The following AK8 variants were observed in gnomAD, a reference collection of about 807,000 sequenced individuals.
The protein encoded by AK8 is ATP-AMP transphosphorylase 8.
Under a neutral mutation model 54.6 loss-of-function variants are expected in AK8, and 44 were observed. That is an observed-to-expected ratio of 0.81 (90% confidence interval 0.63 to 1.04). The LOEUF (loss-of-function observed/expected upper bound fraction) is 1.04, where lower values mean the gene tolerates loss of function less well. Among genes scored for constraint, AK8 ranks in the 50% least tolerant of loss-of-function variants. AK8 has a pLI of 0.00. For synonymous variants in AK8, 239 were observed against 245.6 expected, an observed-to-expected ratio of 0.97 and a Z score of 0.25; for missense variants, 555 against 613.6, an observed-to-expected ratio of 0.90 and a Z score of 1.01.
intron 10 of AK8, among the ~76,000 whole-genome samples, chr9:132,808,899 G>A (rs533102264): frequency 6.6e-6 from 1 of 152,286 alleles, no homozygotes; most frequent in South Asian, 2.1e-4. Context: ...GGCAATGAGG[G>A]GGTACCCAGG....
intron 10 of AK8, among the ~76,000 whole-genome samples, chr9:132,801,505 T>A (rs1840456125): frequency 6.6e-6 from 1 of 152,212 alleles, no homozygotes; most frequent in South Asian, 2.1e-4. Flanking sequence ...ATTCACTAAG[T>A]GTACACTGCA....
intron 11 of AK8, among the ~76,000 whole-genome samples, chr9:132,752,602 G>C (rs1462692226): frequency 1.3e-5 from 2 of 151,990 alleles, no homozygotes; most frequent in Non-Finnish European, 2.9e-5. Context: ...TCAAATGTTT[G>C]AAATAACCAC....
chr9:132,733,542 G>C (rs1359273566), intron 11 of AK8, among the ~76,000 whole-genome samples: 2 of 152,272 alleles, frequency 1.3e-5, no homozygotes, highest in Non-Finnish European at 2.9e-5. Flanking sequence ...CTGGCAAGAT[G>C]TGACGCACAA....
At position 132,866,241 on chromosome 9, in the gene AK8, G is replaced by A. The variant is rs141121636; in HGVS notation, c.219+663C>T. Among the ~76,000 whole-genome samples, 275 of 152,260 alleles carry A rather than the reference G, an allele frequency of 1.8e-3. 2 individuals are homozygous for A. The highest frequency in any genetic ancestry group is 6.0e-3 in the African/African-American group (250 of 41,570). ...TTAAAGATCGAAGCCACAGATAAAT[G>A]AAGCACACACCACCAGTTTCTGGAC... On this transcript the variant is annotated intron_variant, in intron 3 of 12. Transcript: ENST00000298545.
intron 11 of AK8, among the ~76,000 whole-genome samples, chr9:132,730,103 G>T (rs693692): frequency 0.83 from 126,367 of 152,134 alleles, 52,666 homozygotes; most frequent in Admixed American, 0.88. Flanking sequence ...TTTCAGGAGG[G>T]GCCTATGGGT....
chr9:132,743,187 AAC>A (rs1473305841), intron 11 of AK8, among the ~76,000 whole-genome samples: 1 of 152,240 alleles, frequency 6.6e-6, no homozygotes, highest in East Asian at 1.9e-4. Flanking sequence ...CGAGGCAGGA[AAC>A]ACAGCAGATG....
chr9:132,816,296 G>A (rs1841325681), intron 9 of AK8, among the ~76,000 whole-genome samples: 1 of 151,594 alleles, frequency 6.6e-6, no homozygotes, highest in Non-Finnish European at 1.5e-5. Flanking sequence ...GGAGGTTGTA[G>A]TGAGCAGAGA....
intron 4 of AK8, among the ~76,000 whole-genome samples, chr9:132,861,132 C>T (rs1356000586): frequency 1.3e-5 from 2 of 152,220 alleles, no homozygotes; most frequent in African/African-American, 4.8e-5. Flanking sequence ...ACAAAAATCC[C>T]TGGCCACTGT....
chr9:132,822,521 T>C (rs936368006), intron 9 of AK8, among the ~76,000 whole-genome samples: 5 of 151,900 alleles, frequency 3.3e-5, no homozygotes, highest in African/African-American at 1.2e-4. Flanking sequence ...CTACTTAGGT[T>C]TGTGGAGCAT....
intron 8 of AK8, 151 bp from the exon 9 acceptor site, chr9:132,823,487 AG>A (rs1841742115): frequency 8.4e-7 from 1 of 1,184,610 alleles, no homozygotes; most frequent in African/African-American, 1.5e-5. Context: ...GCGAAGAGGC[AG>A]GGAAAAGAAT....
chr9:132,788,872 G>A (rs1161811508), intron 11 of AK8, among the ~76,000 whole-genome samples: 1 of 152,182 alleles, frequency 6.6e-6, no homozygotes, highest in African/African-American at 2.4e-5. Context: ...GCACAAGAAT[G>A]TGGAAAAATT....
At chr9:132,776,998 A>T (rs1468560396) in intron 11 of AK8, among the ~76,000 whole-genome samples, 2 of 152,104 alleles carry the variant, frequency 1.3e-5, no homozygotes, top group Non-Finnish European at 2.9e-5. Flanking sequence ...GGGGTCTCAG[A>T]TATGAGTCTG....
intron 1 of AK8, among the ~76,000 whole-genome samples, chr9:132,875,709 C>T (rs1249764717): frequency 2.0e-5 from 3 of 152,228 alleles, no homozygotes; most frequent in Non-Finnish European, 4.4e-5. Context: ...CTGTTCCACG[C>T]CTCACCCTGT....
chr9:132,732,401 G>A (rs908598734), intron 11 of AK8, among the ~76,000 whole-genome samples: 2 of 152,064 alleles, frequency 1.3e-5, no homozygotes, highest in Admixed American at 6.6e-5. Context: ...TGGCATTCAG[G>A]ATTATATCTT....
At chr9:132,730,254 G>A (rs1341747127) in intron 11 of AK8, among the ~76,000 whole-genome samples, 1 of 152,160 alleles carries the variant, frequency 6.6e-6, no homozygotes, top group Non-Finnish European at 1.5e-5. Flanking sequence ...CCGCGCTTTG[G>A]TAGGTCCAAT....
intron 11 of AK8, among the ~76,000 whole-genome samples, chr9:132,759,742 T>C (rs1838366069): frequency 6.6e-6 from 1 of 152,206 alleles, no homozygotes; most frequent in African/African-American, 2.4e-5. Context: ...TTATCAAGTG[T>C]GAGTGTTTCC....
Position 132,845,737 on chromosome 9 carries a change from C to T in AK8, c.402+9120G>A, listed in dbSNP as rs184749104. On this transcript the variant is annotated intron_variant, in intron 5 of 12. Coordinates refer to ENST00000298545, the MANE Select transcript of AK8 (RefSeq NM_152572.3). ...CGGAGGTTGCAGTGAGCAGAGATCG[C>T]GCCACTGCACTCCAGCCTGGGCAAG... 3.3e-5 allele frequency among the ~76,000 whole-genome samples: 5 copies of T among 149,476 alleles called. No individual in the cohort carries two copies. In the East Asian group the frequency reaches 9.8e-4, roughly 29 times the overall value.
rs544754372 is a variant in AK8, at chr9:132,799,690, C to T, written c.980-6915G>A. Among the ~76,000 whole-genome samples, 15 of 152,216 alleles carry T rather than the reference C, an allele frequency of 9.9e-5. No individual in the cohort carries two copies. In the East Asian group the frequency reaches 1.2e-3, roughly 12 times the overall value. ...TACCCACCTATCCACACATAGTACACGAAGCACACACCCTCATTACACAAA... is the reference window on the plus strand; with the variant it reads ...TACCCACCTATCCACACATAGTACATGAAGCACACACCCTCATTACACAAA... On this transcript the variant is annotated intron_variant, in intron 10 of 12. Coordinates refer to ENST00000298545, the MANE Select transcript of AK8 (RefSeq NM_152572.3). The surrounding 1 kb of genome is among the most constrained non-coding windows in gnomAD (Gnocchi z 5.0).
At chr9:132,850,993 A>C (rs761245026) in intron 5 of AK8, among the ~76,000 whole-genome samples, 9 of 152,100 alleles carry the variant, frequency 5.9e-5, no homozygotes, top group South Asian at 2.1e-4. Flanking sequence ...GCTGTAATAC[A>C]TTCATAAAAC....
Sources: gnomAD v4.1 joint callset for allele counts (sites outside exome capture counted in the v4.1 genomes callset) on GRCh38, gnomAD v4.1.1 for gene constraint, Gnocchi (gnomAD v3.1) non-coding constraint, MANE v1.5 for transcripts, NCBI Gene and HGNC (gene_info 2026-07-23, HGNC 2026-07-21) for gene names.